Variants in ARHGAP10 observed in about 807,000 individuals in gnomAD.
ARHGAP10 encodes the protein Rho GTPase activating protein 10.
In ARHGAP10, 87 loss-of-function variants were observed where a neutral mutation model predicts 108.6. The ratio of observed to expected loss-of-function variants is 0.80; its 90% CI spans 0.67 to 0.96. The LOEUF is 0.96. ARHGAP10 is among the 40% of genes least tolerant of loss of function. ARHGAP10 has a pLI of 0.00. For missense variants in ARHGAP10, 939 were observed against 954.5 expected (o/e 0.98, Z 0.21); for synonymous variants, 347 against 341.1 (o/e 1.02, Z -0.19).
At chr4:147,910,701 C>T (rs893594052) in intron 12 of ARHGAP10, among the ~76,000 whole-genome samples, 1 of 151,976 alleles carries the variant, frequency 6.6e-6, no homozygotes, top group South Asian at 2.1e-4. Flanking sequence ...TACATAAAAA[C>T]GTGATCAGAT....
intron 9 of ARHGAP10, among the ~76,000 whole-genome samples, chr4:147,880,145 G>A (rs1303936213): frequency 6.6e-6 from 1 of 152,204 alleles, no homozygotes; most frequent in African/African-American, 2.4e-5. Flanking sequence ...GGAATCTGCA[G>A]CTTATTACAA....
intron 19 of ARHGAP10, among the ~76,000 whole-genome samples, chr4:148,029,039 T>C (rs1157588368): frequency 6.6e-6 from 1 of 152,220 alleles, no homozygotes; most frequent in Non-Finnish European, 1.5e-5. Flanking sequence ...CGTATTCTTA[T>C]GCGTAACTGC....
At chr4:148,029,599 C>T (rs1343701676) in intron 19 of ARHGAP10, among the ~76,000 whole-genome samples, 2 of 152,148 alleles carry the variant, frequency 1.3e-5, no homozygotes, top group East Asian at 3.9e-4. Context: ...ATAATCAATC[C>T]AGGTAACTGG....
intron 10 of ARHGAP10, among the ~76,000 whole-genome samples, chr4:147,890,644 T>C (rs1244522301): frequency 1.3e-5 from 2 of 152,162 alleles, no homozygotes; most frequent in Non-Finnish European, 2.9e-5. Flanking sequence ...CTGGCCAACC[T>C]GGTGAAACCC....
At chr4:147,784,722 A>G (rs1467373182) in intron 1 of ARHGAP10, among the ~76,000 whole-genome samples, 1 of 64,168 alleles carries the variant, frequency 1.6e-5, no homozygotes, top group African/African-American at 5.1e-5. Flanking sequence ...TAAATATAAT[A>G]TATTATAAAA....
Position 147,965,041 on chromosome 4 carries a change from T to C in ARHGAP10, c.1468T>C (p.Ser490Pro), listed in dbSNP as rs483352828. 4.4e-5 allele frequency: 70 copies of C among 1,581,262 alleles called. No individual in the cohort carries two copies. In the East Asian group the frequency reaches 1.6e-3, roughly 36 times the overall value. Residue 490 changes from serine to proline, a missense_variant, in exon 17 of 23, where the codon TCT becomes CCT. Transcript: ENST00000336498. ...IVPAKSGSPE[S>P]RVNAIHFLVH... ...TTTGGAAGAAAGCGGCAGCCCAGAA[T>C]CTCGTGTTAATGCGATCCATTTCTT...
intron 1 of ARHGAP10, among the ~76,000 whole-genome samples, chr4:147,778,251 A>G (rs1217479353): frequency 2.0e-5 from 3 of 152,038 alleles, no homozygotes; most frequent in Non-Finnish European, 4.4e-5. Context: ...CTGTTGTATG[A>G]TAGATGTCTG....
chr4:148,003,582 G>A (rs1464739899), intron 18 of ARHGAP10, among the ~76,000 whole-genome samples: 1 of 152,178 alleles, frequency 6.6e-6, no homozygotes, highest in South Asian at 2.1e-4. Context: ...CTTGCTTTAT[G>A]AATCTGGGTG....
rs1216543931 is a variant in ARHGAP10, at chr4:147,881,890, C to T, written c.992C>T (p.Ser331Phe). 2.5e-6 allele frequency: 4 copies of T among 1,613,978 alleles called. No homozygotes were observed. Among genetic ancestry groups the T allele is most frequent in the Non-Finnish European group, 3.4e-6 (4 of 1,179,974 alleles). ...GAATGTACCAAGAGGCATACTGACT[C>T]CATTGACAGAAGGTTTTGTTTTGAC... ...LKECTKRHTD[S>F]IDRRFCFDIE... Residue 331 changes from serine (S) to phenylalanine (F), a missense_variant, in exon 10 of 23, where the codon TCC (serine) becomes TTC (phenylalanine). Transcript: ENST00000336498.
At chr4:147,889,414 C>T (rs1431154932) in intron 10 of ARHGAP10, among the ~76,000 whole-genome samples, 1 of 152,170 alleles carries the variant, frequency 6.6e-6, no homozygotes, top group Non-Finnish European at 1.5e-5. Flanking sequence ...ATTCTTCTGC[C>T]TCAGCCTCCC....
intron 18 of ARHGAP10, among the ~76,000 whole-genome samples, chr4:147,978,700 C>T (rs909737303): frequency 7.2e-5 from 11 of 152,104 alleles, no homozygotes; most frequent in Admixed American, 3.9e-4. Context: ...TCAATTAAGC[C>T]CCTTTTCTTC....
chr4:147,997,021 C>A (rs1740502782), intron 18 of ARHGAP10, among the ~76,000 whole-genome samples: 1 of 152,124 alleles, frequency 6.6e-6, no homozygotes, highest in Non-Finnish European at 1.5e-5. Flanking sequence ...CAGCCCCAGC[C>A]GACTAATAAC....
intron 12 of ARHGAP10, among the ~76,000 whole-genome samples, chr4:147,911,261 T>C (rs1050027194): frequency 6.6e-6 from 1 of 152,200 alleles, no homozygotes; most frequent in Admixed American, 6.5e-5. Context: ...ATGAAGTTTA[T>C]ATTCATGGAT....
intron 3 of ARHGAP10, among the ~76,000 whole-genome samples, chr4:147,826,019 G>A (rs1732694225): frequency 6.6e-6 from 1 of 152,160 alleles, no homozygotes; most frequent in Non-Finnish European, 1.5e-5. Flanking sequence ...ACAGGGCAAG[G>A]AGCCAGGTGG....
chr4:148,033,973 C>T (rs1043796505), intron 19 of ARHGAP10, among the ~76,000 whole-genome samples: 1 of 152,164 alleles, frequency 6.6e-6, no homozygotes, highest in Non-Finnish European at 1.5e-5. Context: ...GGTTGACTTG[C>T]TTGTAACGGT....
At chr4:147,832,110 A>G (rs1732974277) in intron 3 of ARHGAP10, among the ~76,000 whole-genome samples, 1 of 151,988 alleles carries the variant, frequency 6.6e-6, no homozygotes, top group Admixed American at 6.6e-5. Context: ...CCACCCACAC[A>G]CACACAAGGG....
chr4:147,853,395 T>C (rs2126826563), intron 4 of ARHGAP10, among the ~76,000 whole-genome samples: 1 of 152,368 alleles, frequency 6.6e-6, no homozygotes, highest in East Asian at 1.9e-4. Flanking sequence ...ACAGTAAACA[T>C]TATTTAATTT....
At chr4:147,965,441 C>G (rs1034694995) in intron 17 of ARHGAP10, among the ~76,000 whole-genome samples, 2 of 152,198 alleles carry the variant, frequency 1.3e-5, no homozygotes, top group Admixed American at 1.3e-4. Context: ...TGGTTTCACA[C>G]CTACCTACCT....
chr4:147,869,245 A>C (rs891839611), intron 7 of ARHGAP10, among the ~76,000 whole-genome samples: 3 of 152,146 alleles, frequency 2.0e-5, no homozygotes, highest in African/African-American at 7.2e-5. Flanking sequence ...TCTCTGCCTC[A>C]GACTCTGGGG....
Sources: allele counts gnomAD v4.1 joint callset (sites outside exome capture counted in the v4.1 genomes callset), GRCh38; gene constraint gnomAD v4.1.1; transcripts MANE v1.5; gene names NCBI Gene and HGNC (gene_info 2026-07-23, HGNC 2026-07-21).